Variants in DOCK8 observed in about 807,000 individuals in gnomAD.
DOCK8 encodes dedicator of cytokinesis 8.
DOCK8 carries 141 observed loss-of-function variants against 245.6 expected under a neutral mutation model. The observed-to-expected ratio is 0.57, with a 90% CI of 0.50 to 0.66. DOCK8 has a LOEUF of 0.66. DOCK8 is among the 30% of genes least tolerant of loss of function. The pLI, the probability that DOCK8 is intolerant of heterozygous loss-of-function variation, is 0.00. For synonymous variants in DOCK8, 1,168 were observed against 970.2 expected (o/e 1.20, Z -3.79); for missense variants, 2,965 against 2,603.4 (o/e 1.14, Z -3.02).
At chr9:318,508 ACTT>A (rs141926938) in intron 7 of DOCK8, among the ~76,000 whole-genome samples, 2,123 of 152,300 alleles carry the variant, frequency 0.014, 26 homozygotes, top group Middle Eastern at 0.031. Context: ...GCCTCTGCCA[ACTT>A]CTTCTGCCTC....
chr9:319,945 C>T (rs1338094023), intron 7 of DOCK8, among the ~76,000 whole-genome samples: 1 of 152,220 alleles, frequency 6.6e-6, no homozygotes, highest in Non-Finnish European at 1.5e-5. Context: ...CAGGCAGTTT[C>T]TTTTAAATGC....
At chr9:252,360 G>A (rs1260649825) in intron 1 of DOCK8, among the ~76,000 whole-genome samples, 2 of 151,906 alleles carry the variant, frequency 1.3e-5, no homozygotes, top group Non-Finnish European at 1.5e-5. Flanking sequence ...ATGTTTAGCA[G>A]GGTTAATTAA....
At position 418,195 on chromosome 9, in the gene DOCK8, G is replaced by T. The variant is rs1188964523; in HGVS notation, c.3828G>T (p.Val1276=). 1.2e-6 allele frequency: 2 copies of T among 1,614,160 alleles called. No individual in the cohort carries two copies. Among genetic ancestry groups the T allele is most frequent in the Admixed American group, 1.7e-5 (1 of 60,020 alleles). Reference sequence around the variant, plus strand: ...TCAATTTGAAAACAAGTGGAATAGTGCTGTCTTCCTTGGTATGTTGGTGCA... The same window carrying T: ...TCAATTTGAAAACAAGTGGAATAGTTCTGTCTTCCTTGGTATGTTGGTGCA... ...NNFNLKTSGI[V]LSSLPYKQYN... The change falls in exon 30 of 48, where the codon GTG becomes GTT. Residue 1276 remains valine, a synonymous_variant. Transcript: ENST00000432829.
chr9:325,201 T>C (rs983067073), intron 7 of DOCK8, among the ~76,000 whole-genome samples: 2 of 152,256 alleles, frequency 1.3e-5, no homozygotes, highest in Non-Finnish European at 1.5e-5. Flanking sequence ...CCACATTTTC[T>C]TTATCTACTC....
At chr9:343,727 C>T (rs965676016) in intron 14 of DOCK8, among the ~76,000 whole-genome samples, 12 of 152,152 alleles carry the variant, frequency 7.9e-5, no homozygotes, top group African/African-American at 2.7e-4. Context: ...TTCTCTATTC[C>T]TTAGAGGAAG....
chr9:299,245 G>T (rs1189005783), intron 4 of DOCK8, among the ~76,000 whole-genome samples: 1 of 152,092 alleles, frequency 6.6e-6, no homozygotes, highest in Non-Finnish European at 1.5e-5. Context: ...TACCCAGTCA[G>T]CACACACAGA....
intron 1 of DOCK8, among the ~76,000 whole-genome samples, chr9:256,239 G>A (rs760452188): frequency 2.5e-4 from 38 of 152,172 alleles, no homozygotes; most frequent in Admixed American, 7.9e-4. Context: ...AGGACATGGT[G>A]GCTTCCTGGA....
At chr9:334,438 A>G (rs2051210599) in intron 11 of DOCK8, 54 bp downstream of exon 11, 14 of 1,586,260 alleles carry the variant, frequency 8.8e-6, no homozygotes, top group Non-Finnish European at 2.6e-6. Flanking sequence ...TGCGCTGCCC[A>G]GGTCCACAGC....
Position 452,149 on chromosome 9 carries a change from G to C in DOCK8, c.6068+32G>C, listed in dbSNP as rs16909246. ...AGGAAAATGGCTGGGAATTTCAGTA[G>C]AGCAGTGGTTCTCAAAGTGCAATCT... On this transcript the variant is annotated intron_variant, in intron 46 of 47. Transcript: ENST00000432829. 0.12 allele frequency: 171,362 copies of C among 1,419,318 alleles called. 11,505 individuals carry two copies. The highest frequency in any genetic ancestry group is 0.2 in the South Asian group (17,364 of 85,868). 87.9% of individuals were successfully genotyped at this position (1,419,318 alleles called of 1,614,324 possible).
rs2055281177 is a variant in DOCK8 at position 403,962 on chromosome 9, A to ATATATATATGTGTGTATATATATATATG, written c.3235-947_3235-946insGTGTGTATATATATATATGTATATATAT. Among the ~76,000 whole-genome samples, 3 of 66,172 alleles carry ATATATATATGTGTGTATATATATATATG rather than the reference A, an allele frequency of 4.5e-5. No individual in the cohort carries two copies. In the Admixed American group the frequency reaches 4.7e-4, roughly 10 times the overall value. The allele number at this position is 66,172 out of a possible 152,430, so 43.4% of individuals were successfully genotyped here. On this transcript the variant is annotated intron_variant, in intron 26 of 47. Coordinates refer to ENST00000432829, the MANE Select transcript of DOCK8 (RefSeq NM_203447.4). Reference sequence around the variant, plus strand: ...TATATATGTGTATATATATATATGTATATATATATATATGTGTATATATAT... The same window carrying ATATATATATGTGTGTATATATATATATG: ...TATATATGTGTATATATATATATGTATATATATATGTGTGTATATATATATATGTATATATATATATGTGTATATATAT...
intron 14 of DOCK8, among the ~76,000 whole-genome samples, chr9:356,355 C>T (rs939173680): frequency 5.3e-5 from 8 of 151,898 alleles, no homozygotes; most frequent in African/African-American, 1.5e-4. Context: ...AGTGAAACCC[C>T]GTCTCTACTA....
intron 24 of DOCK8, 90 bp downstream of exon 24, chr9:390,656 C>T (rs565016196): frequency 7.8e-7 from 1 of 1,283,188 alleles, no homozygotes; most frequent in Non-Finnish European, 1.1e-6. Context: ...CTGAGTTGCC[C>T]CTGCTGAAAA....
chr9:266,149 A>T (rs760467599), intron 1 of DOCK8, among the ~76,000 whole-genome samples: 43 of 152,192 alleles, frequency 2.8e-4, no homozygotes, highest in Non-Finnish European at 5.6e-4. Flanking sequence ...CTGGCTCAGA[A>T]ATCTTGTTTT....
chr9:216,627 G>A (rs935110507), intron 1 of DOCK8, among the ~76,000 whole-genome samples: 1 of 151,208 alleles, frequency 6.6e-6, no homozygotes, highest in Non-Finnish European at 1.5e-5. Flanking sequence ...GTTCATAGCT[G>A]TTGCATGCCA....
intron 18 of DOCK8, among the ~76,000 whole-genome samples, chr9:374,672 C>T (rs1014183557): frequency 4.7e-5 from 7 of 149,702 alleles, no homozygotes; most frequent in African/African-American, 1.7e-4. Flanking sequence ...TGCTATGCTG[C>T]TCAGGCTGGT....
At chr9:240,901 T>C (rs2047360533) in intron 1 of DOCK8, among the ~76,000 whole-genome samples, 1 of 152,018 alleles carries the variant, frequency 6.6e-6, no homozygotes, top group Non-Finnish European at 1.5e-5. Context: ...TTATGAGAAC[T>C]GAGTGAGACT....
At chr9:385,207 T>G (rs1282303064) in intron 22 of DOCK8, among the ~76,000 whole-genome samples, 1 of 152,180 alleles carries the variant, frequency 6.6e-6, no homozygotes, top group African/African-American at 2.4e-5. Context: ...GAATGCAATG[T>G]GGTATGCTAG....
intron 1 of DOCK8, among the ~76,000 whole-genome samples, chr9:222,145 C>T (rs1187833174): frequency 1.3e-5 from 2 of 151,848 alleles, no homozygotes; most frequent in Non-Finnish European, 2.9e-5. Flanking sequence ...TGCCTGTGGT[C>T]CCAGCTACAT....
chr9:213,488 T>A (rs2046656184), upstream of DOCK8: 1 of 152,170 alleles, frequency 6.6e-6, no homozygotes, highest in South Asian at 2.1e-4. Context: ...CAGGTGAAAT[T>A]AACTTTAATA....
Sources: gnomAD v4.1 joint callset for allele counts (sites outside exome capture counted in the v4.1 genomes callset) on GRCh38, gnomAD v4.1.1 for gene constraint, MANE v1.5 for transcripts, NCBI Gene and HGNC (gene_info 2026-07-23, HGNC 2026-07-21) for gene names.